TICAM2: variants seen among roughly 807,000 people sequenced by gnomAD.
The protein encoded by TICAM2 is TIR domain containing adaptor molecule 2.
A neutral mutation model predicts 7.3 loss-of-function variants in TICAM2; 8 were observed. The observed-to-expected ratio is 1.10, with a 90% CI of 0.65 to 1.99. The LOEUF (loss-of-function observed/expected upper bound fraction) is 1.99, where lower values mean the gene tolerates loss of function less well. TICAM2 is among the 30% of genes most tolerant of loss of function. The pLI, the probability that TICAM2 is intolerant of heterozygous loss-of-function variation, is 0.00. For synonymous variants in TICAM2, 113 were observed against 99.6 expected (o/e 1.13, Z -0.80); for missense variants, 304 against 278.8 (o/e 1.09, Z -0.65).
At position 115,580,793 on chromosome 5, in the gene TICAM2, G is replaced by A. The variant is rs763977327; in HGVS notation, c.464C>T (p.Thr155Met). 3.8e-6 allele frequency: 6 copies of A among 1,599,744 alleles called. No homozygotes were observed. Among genetic ancestry groups the A allele is most frequent in the Admixed American group, 1.7e-5 (1 of 58,660 alleles). Residue 155 changes from threonine to methionine, a missense_variant, in exon 2 of 2, where the codon ACG becomes ATG. Thr to Met is a moderately conservative substitution (Grantham distance 81). Transcript: ENST00000427199. Reference sequence around the variant, plus strand: ...CCTGTTAACGGAGTTCATTAGGGACGTATAGAACTGGAAATTACACCAAGT... The same window carrying A: ...CCTGTTAACGGAGTTCATTAGGGACATATAGAACTGGAAATTACACCAAGT... ...RDTWCNFQFY[T>M]SLMNSVNRQH... is the part of the protein sequence containing the mutation.
At chr5:115,597,524 T>C (rs1755555589) in intron 1 of TICAM2, among the ~76,000 whole-genome samples, 1 of 152,190 alleles carries the variant, frequency 6.6e-6, no homozygotes, top group Admixed American at 6.5e-5. Flanking sequence ...ATGAACAATT[T>C]TAATGACATG....
chr5:115,596,599 C>T (rs1391553892), intron 1 of TICAM2, among the ~76,000 whole-genome samples: 1 of 152,042 alleles, frequency 6.6e-6, no homozygotes, highest in East Asian at 1.9e-4. Context: ...GCCTAGTAAC[C>T]AGAACTATCA....
chr5:115,601,866 A>C (rs953824201), intron 1 of TICAM2, among the ~76,000 whole-genome samples: 21 of 152,186 alleles, frequency 1.4e-4, no homozygotes, highest in Non-Finnish European at 2.6e-4. Flanking sequence ...TCAAAATGAA[A>C]CAAAAAGGCA....
intron 1 of TICAM2, among the ~76,000 whole-genome samples, chr5:115,590,727 A>G (rs1755270951): frequency 6.6e-6 from 1 of 152,210 alleles, no homozygotes; most frequent in South Asian, 2.1e-4. Flanking sequence ...GTACTTATTT[A>G]ATATCTTTCC....
At position 115,581,178 on chromosome 5, in the gene TICAM2, G is replaced by C; in HGVS notation, c.79C>G (p.Pro27Ala). ...TTGGAATCTGACTCATGATATCCTG[G>C]ACTTGTATCCACACTGTGCCTTTTA... ...WGKRHSVDTSPGYHESDSKKS... is the reference protein window; with the variant it reads ...WGKRHSVDTSAGYHESDSKKS... The change falls in exon 2 of 2, where the codon CCA becomes GCA. Residue 27 changes from proline (P) to alanine (A), a missense_variant. Pro to Ala is a conservative substitution (Grantham distance 27). Transcript: ENST00000427199. 3 of 1,613,680 alleles carry C rather than the reference G, an allele frequency of 1.9e-6. No homozygotes were observed. The highest frequency in any genetic ancestry group is 2.5e-6 in the Non-Finnish European group (3 of 1,179,998).
At chr5:115,590,567 A>C (rs534225459) in intron 1 of TICAM2, among the ~76,000 whole-genome samples, 1 of 152,100 alleles carries the variant, frequency 6.6e-6, no homozygotes, top group Admixed American at 6.6e-5. Context: ...TGTATTAAAA[A>C]CTCAAGTTCA....
rs1434613561 is a variant in TICAM2, at chr5:115,579,083, T to C, written c.*1466A>G. The C allele has an allele frequency of 6.6e-6, 1 of 152,664 alleles. No individual in the cohort carries two copies. The highest frequency in any genetic ancestry group is 1.5e-5 in the Non-Finnish European group (1 of 68,032). The allele number at this position is 152,664 out of a possible 1,614,324, so 9.5% of individuals were successfully genotyped here. On this transcript the variant is annotated 3_prime_UTR_variant, in exon 2 of 2. Coordinates refer to ENST00000427199, the MANE Select transcript of TICAM2 (RefSeq NM_021649.7). The stretch of plus-strand genomic sequence containing the variant: ...ACTCAAGGATCTCTATAAAAATTTA[T>C]TTTTAAGAAAGCCTGAGTAAGCATG...
At chr5:115,582,299 G>A (rs937296562) in intron 1 of TICAM2, among the ~76,000 whole-genome samples, 1 of 151,284 alleles carries the variant, frequency 6.6e-6, no homozygotes, top group Non-Finnish European at 1.5e-5. Context: ...TGGGACTACA[G>A]GTACATGCCA....
At chr5:115,597,979 G>GTA (rs550586680) in intron 1 of TICAM2, among the ~76,000 whole-genome samples, 153 of 152,118 alleles carry the variant, frequency 1.0e-3, no homozygotes, top group Admixed American at 2.0e-3. Flanking sequence ...ATATAAATGT[G>GTA]TATATATATG....
intron 1 of TICAM2, among the ~76,000 whole-genome samples, chr5:115,590,556 T>C (rs1473293943): frequency 1.3e-5 from 2 of 152,226 alleles, no homozygotes; most frequent in African/African-American, 2.4e-5. Flanking sequence ...AGGGGATACA[T>C]TGTATTAAAA....
chr5:115,601,677 C>A (rs560914289), intron 1 of TICAM2, among the ~76,000 whole-genome samples: 1 of 152,278 alleles, frequency 6.6e-6, no homozygotes, highest in East Asian at 1.9e-4. Context: ...AGCTGCCAGT[C>A]AAATTATTTT....
In TICAM2 at chr5:115,580,421, T is replaced by G. The variant is rs1327393205; in HGVS notation, c.*128A>C. 1 of 1,187,484 alleles carries G rather than the reference T, an allele frequency of 8.4e-7. No homozygotes were observed. The highest frequency in any genetic ancestry group is 1.1e-6 in the Non-Finnish European group (1 of 910,102). The allele number at this position is 1,187,484 out of a possible 1,614,324, so 73.6% of individuals were successfully genotyped here. A position where few individuals can be genotyped will look rare whatever the true frequency, so the allele number is the denominator to read the frequency against. On this transcript the variant is annotated 3_prime_UTR_variant, in exon 2 of 2. Transcript: ENST00000427199. ...GTCCTGCAGAAATTTATCTTTCTTG[T>G]GCTCCATAGGTTTCTTTAAGGTGAA...
intron 1 of TICAM2, among the ~76,000 whole-genome samples, chr5:115,594,163 T>C (rs572451074): frequency 3.3e-5 from 5 of 152,356 alleles, no homozygotes; most frequent in Admixed American, 2.0e-4. Context: ...AAATGACCTT[T>C]GTAACATTAT....
At chr5:115,589,578 T>C (rs1755230368) in intron 1 of TICAM2, among the ~76,000 whole-genome samples, 1 of 152,254 alleles carries the variant, frequency 6.6e-6, no homozygotes, top group Admixed American at 6.5e-5. Context: ...ATATTACCTA[T>C]TGGCATTTAT....
chr5:115,581,002 A>G lies in TICAM2; in HGVS notation c.255T>C (p.His85=), dbSNP rs1335826791. Residue 85 remains histidine, a synonymous_variant, in exon 2 of 2, where the codon CAT becomes CAC. Coordinates refer to ENST00000427199, the MANE Select transcript of TICAM2 (RefSeq NM_021649.7). ...EEVFLKFVIL[H]AEDDTDEALR... is the part of the protein sequence containing the mutation. ...GGGCTTCATCTGTGTCATCTTCTGC[A>G]TGCAATATCACAAATTTGAGGAACA... 1.2e-6 allele frequency: 2 copies of G among 1,614,032 alleles called. No individual in the cohort carries two copies. Among genetic ancestry groups the G allele is most frequent in the East Asian group, 4.5e-5 (2 of 44,882 alleles).
intron 1 of TICAM2, 74 bp from the exon 2 acceptor site, chr5:115,581,389 C>T (rs1754917861): frequency 1.8e-5 from 26 of 1,454,864 alleles, no homozygotes; most frequent in Non-Finnish European, 2.4e-5. Context: ...TTCATTCAAA[C>T]TGAAAAGCTC....
At chr5:115,585,950 T>G (rs1755088454) in intron 1 of TICAM2, among the ~76,000 whole-genome samples, 1 of 152,158 alleles carries the variant, frequency 6.6e-6, no homozygotes, top group African/African-American at 2.4e-5. Flanking sequence ...GTAAAAGTGG[T>G]GAGAAGTGGC....
chr5:115,593,502 T>C (rs1371337106), intron 1 of TICAM2, among the ~76,000 whole-genome samples: 2 of 152,130 alleles, frequency 1.3e-5, no homozygotes, highest in Non-Finnish European at 1.5e-5. Context: ...GAAATATTAG[T>C]GAGATAAAAT....
chr5:115,599,824 A>G (rs1755651144), intron 1 of TICAM2, among the ~76,000 whole-genome samples: 1 of 150,726 alleles, frequency 6.6e-6, no homozygotes, highest in Non-Finnish European at 1.5e-5. Flanking sequence ...ACAGGGCTTT[A>G]AAGCCATTGT....
Sources: allele counts gnomAD v4.1 joint callset (sites outside exome capture counted in the v4.1 genomes callset), GRCh38; gene constraint gnomAD v4.1.1; transcripts MANE v1.5; gene names NCBI Gene and HGNC (gene_info 2026-07-23, HGNC 2026-07-21).